DENND6A: variants seen among roughly 807,000 people sequenced by gnomAD.
DENND6A encodes DENN domain containing 6A.
In DENND6A, 43 loss-of-function variants were observed where a neutral mutation model predicts 95.5. The observed-to-expected ratio is 0.45, with a 90% CI of 0.35 to 0.58. The LOEUF is 0.58. Among genes scored for constraint, DENND6A ranks in the 20% least tolerant of loss-of-function variants. The pLI is 0.00. For synonymous variants in DENND6A, 257 were observed against 260.4 expected (o/e 0.99, Z 0.13); for missense variants, 574 against 736.0 (o/e 0.78, Z 2.55).
At chr3:57,634,850 CT>C in intron 12 of DENND6A, 81 bp from the exon 13 acceptor site, 1 of 1,109,122 alleles carries the variant, frequency 9.0e-7, no homozygotes, top group African/African-American at 1.6e-5. Context: ...GATTTATAAT[CT>C]GTTTATTACT....
Position 57,664,278 on chromosome 3 carries a change from C to T in DENND6A, c.433-562G>A, listed in dbSNP as rs116862367. Among the ~76,000 whole-genome samples, 33 of 152,290 alleles carry T rather than the reference C, an allele frequency of 2.2e-4. No individual in the cohort carries two copies. The East Asian group carries it at 6.4e-3, about 29-fold the overall frequency. The stretch of plus-strand genomic sequence containing the variant: ...AATGACAATGTGAATCTTATATAGT[C>T]AGTTACACGTTAACCCAATAATAAT... On this transcript the variant is annotated intron_variant, in intron 4 of 19. Coordinates refer to ENST00000311128, the MANE Select transcript of DENND6A (RefSeq NM_152678.3).
chr3:57,655,162 T>C (rs2153415042), intron 9 of DENND6A, among the ~76,000 whole-genome samples: 1 of 152,150 alleles, frequency 6.6e-6, no homozygotes, highest in South Asian at 2.1e-4. Flanking sequence ...GCCTCCTGAG[T>C]AGCTGAGATT....
At position 57,660,974 on chromosome 3, in the gene DENND6A, A is replaced by G. The variant is rs565841885; in HGVS notation, c.620-135T>C. 19 of 720,028 alleles carry G rather than the reference A, an allele frequency of 2.6e-5. No individual in the cohort carries two copies. The East Asian group carries it at 6.0e-4, about 23-fold the overall frequency. The allele number at this position is 720,028 out of a possible 1,614,324, so 44.6% of individuals were successfully genotyped here. A position where few individuals can be genotyped will look rare whatever the true frequency, so the allele number is the denominator to read the frequency against. On this transcript the variant is annotated intron_variant, in intron 6 of 19. Transcript: ENST00000311128. ...CTGGAAGAATGAGAGATAAAAGGCA[A>G]AAGAAAAGTCAAAGTGATGAAAACA...
At chr3:57,673,730 GTT>G (rs897813084) in intron 1 of DENND6A, among the ~76,000 whole-genome samples, 3 of 151,818 alleles carry the variant, frequency 2.0e-5, no homozygotes, top group Admixed American at 2.0e-4. Context: ...CAATAATGAA[GTT>G]TTTTTTGTGC....
intron 1 of DENND6A, among the ~76,000 whole-genome samples, chr3:57,689,244 T>C (rs115700881): frequency 0.024 from 3,647 of 151,910 alleles, 68 homozygotes; most frequent in Non-Finnish European, 0.035. Context: ...TGAGCCGCCA[T>C]GCCCGGCCTA....
Position 57,646,446 on chromosome 3 carries a change from G to A in DENND6A, c.819-8C>T. ...AAAACTGGGCAGAAACACCTGAAAG[G>A]TGATGCACAGTAGAAATACTTTTTA... On this transcript the variant is annotated splice_polypyrimidine_tract_variant and splice_region_variant and intron_variant, in intron 9 of 19. Coordinates refer to ENST00000311128, the MANE Select transcript of DENND6A (RefSeq NM_152678.3). The A allele has an allele frequency of 6.2e-7, 1 of 1,605,214 alleles. No homozygotes were observed.
At chr3:57,652,179 C>T (rs770516688) in intron 9 of DENND6A, among the ~76,000 whole-genome samples, 6 of 152,164 alleles carry the variant, frequency 3.9e-5, no homozygotes, top group Admixed American at 6.6e-5. Flanking sequence ...TAACAGAATA[C>T]GGTAGAAATG....
intron 4 of DENND6A, among the ~76,000 whole-genome samples, chr3:57,664,554 G>T (rs1199656777): frequency 6.6e-6 from 1 of 152,170 alleles, no homozygotes; most frequent in Non-Finnish European, 1.5e-5. Flanking sequence ...GAAAAATGAG[G>T]CCAGGTGCAG....
At chr3:57,692,272 G>A (rs995649517) in intron 1 of DENND6A, among the ~76,000 whole-genome samples, 6 of 151,270 alleles carry the variant, frequency 4.0e-5, no homozygotes, top group African/African-American at 1.5e-4. Context: ...CACAAAAGGA[G>A]GAAAGGGAGA....
intron 1 of DENND6A, among the ~76,000 whole-genome samples, chr3:57,690,913 T>TC (rs1407900810): frequency 6.6e-6 from 1 of 152,180 alleles, no homozygotes; most frequent in African/African-American, 2.4e-5. Context: ...AGTGGAAAAT[T>TC]CACAATGTTC....
At chr3:57,667,009 G>A (rs1003775380) in intron 3 of DENND6A, among the ~76,000 whole-genome samples, 20 of 152,238 alleles carry the variant, frequency 1.3e-4, no homozygotes, top group Admixed American at 8.5e-4. Context: ...TTTTACAAAC[G>A]TAGTTATAAG....
chr3:57,684,151 CAA>C (rs35147242), intron 1 of DENND6A, among the ~76,000 whole-genome samples: 1 of 79,126 alleles, frequency 1.3e-5, no homozygotes, highest in African/African-American at 5.4e-5. Flanking sequence ...GACTCCGTCT[CAA>C]AAAAAAAAAA....
At chr3:57,639,985 G>A (rs1374412670) in intron 12 of DENND6A, among the ~76,000 whole-genome samples, 1 of 152,028 alleles carries the variant, frequency 6.6e-6, no homozygotes, top group Non-Finnish European at 1.5e-5. Context: ...AAAAGTAGTG[G>A]TTGCTGGCCA....
Position 57,634,606 on chromosome 3 carries a change from A to G in DENND6A, c.1215T>C (p.Tyr405=). 6.8e-7 allele frequency: 1 copy of G among 1,475,950 alleles called. No individual in the cohort carries two copies. Among genetic ancestry groups the G allele is most frequent in the Non-Finnish European group, 9.1e-7 (1 of 1,099,324 alleles). The allele number at this position is 1,475,950 out of a possible 1,614,324, so 91.4% of individuals were successfully genotyped here. The part of the protein sequence containing the change: ...LDSKPGVYTS[Y]KPYLNRDEEI... ...CTTCATCTCTATTTAAATATGGCTT[A>G]TATGAAGTATAAACTCCTAAGAGCA... is the stretch of plus-strand genomic sequence containing the variant. Residue 405 remains tyrosine (Y), a synonymous_variant, in exon 14 of 20, where the codon TAT becomes TAC. Transcript: ENST00000311128.
chr3:57,667,369 C>A, intron 3 of DENND6A, among the ~76,000 whole-genome samples: 1 of 152,118 alleles, frequency 6.6e-6, no homozygotes, highest in East Asian at 1.9e-4. Context: ...GTTGCCCAGG[C>A]TGGTCTTGAA....
chr3:57,677,403 G>A (rs548523639), intron 1 of DENND6A, among the ~76,000 whole-genome samples: 1 of 148,306 alleles, frequency 6.7e-6, no homozygotes, highest in South Asian at 2.2e-4. Context: ...TGCCAGTTTG[G>A]GCTAACTTTG....
chr3:57,684,781 C>T (rs371169147), intron 1 of DENND6A, among the ~76,000 whole-genome samples: 2 of 152,100 alleles, frequency 1.3e-5, no homozygotes, highest in African/African-American at 4.8e-5. Flanking sequence ...AAATAAAGTC[C>T]AAATATTACT....
intron 7 of DENND6A, 81 bp downstream of exon 7, chr3:57,660,679 G>T: frequency 7.8e-7 from 1 of 1,278,870 alleles, no homozygotes; most frequent in Non-Finnish European, 1.1e-6. Context: ...CTGTACTCCA[G>T]CCTGGGTGAC....
chr3:57,651,711 G>A lies in DENND6A; in HGVS notation c.819-5273C>T, dbSNP rs558654259. Among the ~76,000 whole-genome samples the A allele has an allele frequency of 4.0e-5, 6 of 151,738 alleles. No individual in the cohort carries two copies. The South Asian group carries it at 1.0e-3, about 26-fold the overall frequency. On this transcript the variant is annotated intron_variant, in intron 9 of 19. Transcript: ENST00000311128. ...TACCAAAAAAAAAAAAGATAAACCC[G>A]GAATATCTCACACCAGAAAGCAAGA...
Sources: allele counts gnomAD v4.1 joint callset (sites outside exome capture counted in the v4.1 genomes callset), GRCh38; gene constraint gnomAD v4.1.1; transcripts MANE v1.5; gene names NCBI Gene and HGNC (gene_info 2026-07-23, HGNC 2026-07-21).